The following ANK3 variants were observed in gnomAD, a reference collection of about 807,000 sequenced individuals.
ANK3 encodes ankyrin-3.
In ANK3, 57 loss-of-function variants were observed where a neutral mutation model predicts 370.9. The observed-to-expected ratio is 0.15, with a 90% CI of 0.12 to 0.19. The LOEUF is 0.19. Ranked by LOEUF, ANK3 falls within the 10% of genes least tolerant of loss-of-function variation. ANK3 has a pLI of 1.00. For missense variants in ANK3, 4,439 were observed against 5,302.1 expected (o/e 0.84, Z 5.06); for synonymous variants, 1,929 against 1,946.3 (o/e 0.99, Z 0.23).
At position 60,063,126 on chromosome 10, in the gene ANK3, G is replaced by C. The variant is rs774206172; in HGVS notation, c.12580C>G (p.His4194Asp). 1 of 1,612,130 alleles carries C rather than the reference G, an allele frequency of 6.2e-7. No homozygotes were observed. Among genetic ancestry groups the C allele is most frequent in the Admixed American group, 1.7e-5 (1 of 59,822 alleles). The stretch of plus-strand genomic sequence containing the variant: ...ATTCGATTACCATCAACAGGGTCAT[G>C]GAAAACATTGTTCTCATCTGCAAAA... ...RSFADENNVF[H>D]DPVDGWQNET... The change falls in exon 40 of 44, where the codon CAT becomes GAT. Residue 4194 changes from histidine to aspartate, a missense_variant. By Grantham distance (81) the His-to-Asp change is moderately conservative. Transcript: ENST00000280772.
At chr10:60,702,684 C>T (rs973375296) in intron 1 of ANK3, among the ~76,000 whole-genome samples, 4 of 152,020 alleles carry the variant, frequency 2.6e-5, no homozygotes, top group South Asian at 2.1e-4. Flanking sequence ...AGAAGCATTT[C>T]GGCTAATAAA....
At chr10:60,515,445 T>G (rs1304321778) in intron 2 of ANK3, among the ~76,000 whole-genome samples, 1 of 152,116 alleles carries the variant, frequency 6.6e-6, no homozygotes, top group Admixed American at 6.6e-5. Context: ...CACAGGAACT[T>G]CTCTGGCCTA....
chr10:60,260,048 A>G (rs1445006833), intron 7 of ANK3, among the ~76,000 whole-genome samples: 1 of 152,242 alleles, frequency 6.6e-6, no homozygotes, highest in Non-Finnish European at 1.5e-5. Context: ...GCTCATGACA[A>G]CAGGATAGGA....
At chr10:60,727,033 C>T (rs893873375) in intron 1 of ANK3, among the ~76,000 whole-genome samples, 1 of 152,008 alleles carries the variant, frequency 6.6e-6, no homozygotes, top group African/African-American at 2.4e-5. Flanking sequence ...CTTTCATTCC[C>T]TAGAGATGTG....
At chr10:60,533,336 GA>G (rs1296148654) in intron 2 of ANK3, among the ~76,000 whole-genome samples, 1 of 152,108 alleles carries the variant, frequency 6.6e-6, no homozygotes, top group African/African-American at 2.4e-5. Context: ...GTCGCTCAGA[GA>G]AGGGCTCAGC....
intron 1 of ANK3, among the ~76,000 whole-genome samples, chr10:60,388,112 G>A (rs970871975): frequency 3.3e-5 from 5 of 152,080 alleles, no homozygotes; most frequent in Non-Finnish European, 5.9e-5. Flanking sequence ...CAACTGTGCT[G>A]TGCAAGGCTT....
At chr10:60,639,082 T>C (rs914917767) in intron 1 of ANK3, among the ~76,000 whole-genome samples, 1 of 151,792 alleles carries the variant, frequency 6.6e-6, no homozygotes, top group African/African-American at 2.4e-5. Flanking sequence ...CATAATCAAA[T>C]TGCTGATAAA....
At chr10:60,254,565 TTTAGCCTAGGCTTAGCCCAG>T (rs1213879028) in intron 7 of ANK3, among the ~76,000 whole-genome samples, 1 of 152,204 alleles carries the variant, frequency 6.6e-6, no homozygotes, top group Non-Finnish European at 1.5e-5. Flanking sequence ...GCGATAGACT[TTTAGCCTAGGCTTAGCCCAG>T]TTAGCCTAGG....
In ANK3 at chr10:60,279,763, TA is replaced by T; in HGVS notation, c.115-125del. 1.1e-5 allele frequency: 8 copies of T among 746,594 alleles called. 1 individual carries two copies. In the Admixed American group the frequency reaches 1.9e-4, roughly 18 times the overall value. The allele number at this position is 746,594 out of a possible 1,614,324, so 46.2% of individuals were successfully genotyped here. A position where few individuals can be genotyped will look rare whatever the true frequency, so the allele number is the denominator to read the frequency against. ...TTTATTTCTAACATGAAAATATGAA[TA>T]AAAGTTCTTTGTAAAAAGAACCAAG... On this transcript the variant is annotated intron_variant, in intron 1 of 43. Coordinates refer to ENST00000280772, the MANE Select transcript of ANK3 (RefSeq NM_020987.5).
chr10:60,212,144 T>C (rs2096867223), intron 9 of ANK3, among the ~76,000 whole-genome samples: 1 of 151,820 alleles, frequency 6.6e-6, no homozygotes, highest in Non-Finnish European at 1.5e-5. Context: ...TCCAAAGCAA[T>C]GAGATGAATA....
At chr10:60,702,169 G>A (rs189430674) in intron 1 of ANK3, among the ~76,000 whole-genome samples, 5 of 152,004 alleles carry the variant, frequency 3.3e-5, no homozygotes, top group African/African-American at 1.2e-4. Context: ...GGAAGACTGA[G>A]GTAGGAGAAT....
intron 1 of ANK3, among the ~76,000 whole-genome samples, chr10:60,349,559 C>T (rs1217368024): frequency 6.6e-6 from 1 of 152,034 alleles, no homozygotes; most frequent in Non-Finnish European, 1.5e-5. Flanking sequence ...TTAATCCTTA[C>T]CCTTGACTTG....
chr10:60,612,593 G>T (rs1014829862), intron 2 of ANK3, among the ~76,000 whole-genome samples: 2 of 152,294 alleles, frequency 1.3e-5, no homozygotes, highest in African/African-American at 4.8e-5. Context: ...CCAGATTCAA[G>T]CAATTCTCCT....
At chr10:60,592,575 C>A (rs2133294545) in intron 2 of ANK3, among the ~76,000 whole-genome samples, 1 of 152,232 alleles carries the variant, frequency 6.6e-6, no homozygotes, top group South Asian at 2.1e-4. Flanking sequence ...GCCTGGCCAA[C>A]ATGGTGAAAC....
chr10:60,649,349 T>C (rs1244344794), intron 1 of ANK3, among the ~76,000 whole-genome samples: 1 of 152,216 alleles, frequency 6.6e-6, no homozygotes, highest in Non-Finnish European at 1.5e-5. Flanking sequence ...TACAGTTCTT[T>C]AATAGTATAA....
chr10:60,213,732 T>A (rs1231184563), intron 8 of ANK3, among the ~76,000 whole-genome samples: 1 of 152,212 alleles, frequency 6.6e-6, no homozygotes. Context: ...CAAGTTTGAA[T>A]ATTGACGTTT....
At chr10:60,064,669 A>ACAACAACAACAG (rs1554852678) in intron 38 of ANK3, among the ~76,000 whole-genome samples, 27 of 39,800 alleles carry the variant, frequency 6.8e-4, no homozygotes, top group South Asian at 1.2e-3. Flanking sequence ...CTCCATACAC[A>ACAACAACAACAG]CAGCAACAAC....
At chr10:60,540,075 C>T (rs2076812605) in intron 2 of ANK3, among the ~76,000 whole-genome samples, 2 of 151,858 alleles carry the variant, frequency 1.3e-5, no homozygotes, top group African/African-American at 4.8e-5. Flanking sequence ...AAGAAAATGA[C>T]AGGCTCCTTC....
chr10:60,032,624 C>G (rs2073956239), intron 43 of ANK3, among the ~76,000 whole-genome samples: 1 of 152,174 alleles, frequency 6.6e-6, no homozygotes, highest in African/African-American at 2.4e-5. Context: ...CAAGGCCTTT[C>G]TCTTCTCACC....
Sources: allele counts gnomAD v4.1 joint callset (sites outside exome capture counted in the v4.1 genomes callset), GRCh38; gene constraint gnomAD v4.1.1; transcripts MANE v1.5; gene names NCBI Gene and HGNC (gene_info 2026-07-23, HGNC 2026-07-21).